TAB1: variants seen among roughly 807,000 people sequenced by gnomAD.
TAB1 encodes TGF-beta-activated kinase 1 and MAP3K7-binding protein 1.
Under a neutral mutation model 54.5 loss-of-function variants are expected in TAB1, and 30 were observed. That is an observed-to-expected ratio of 0.55 (90% CI 0.41 to 0.75). TAB1 has a LOEUF of 0.75. TAB1 is among the 30% of genes least tolerant of loss of function. The probability of loss-of-function intolerance (pLI) is 0.00; values close to 1 mark genes in which losing one functional copy is unlikely to be tolerated. For synonymous variants in TAB1, 289 were observed against 286.9 expected (o/e 1.01, Z -0.07); for missense variants, 609 against 683.2 (o/e 0.89, Z 1.21).
In TAB1 at chr22:39,399,810, C is replaced by G; in HGVS notation, c.8C>G (p.Ala3Gly). 6.3e-7 allele frequency: 1 copy of G among 1,596,508 alleles called. No homozygotes were observed. Among genetic ancestry groups the G allele is most frequent in the Non-Finnish European group, 8.5e-7 (1 of 1,172,074 alleles). Residue 3 changes from alanine (A) to glycine (G), a missense_variant, in exon 1 of 11, where the codon GCG (alanine) becomes GGG (glycine). By Grantham distance (60) the Ala-to-Gly change is moderately conservative. Transcript: ENST00000216160. MAAQRRSLLQSEQ... is the reference protein window; with the variant it reads MAGQRRSLLQSEQ... Reference sequence around the variant, plus strand: ...CGCAGGGGTTCCTCCAAGATGGCGGCGCAGAGGAGGAGCTTGCTGCAGAGT... The same window carrying G: ...CGCAGGGGTTCCTCCAAGATGGCGGGGCAGAGGAGGAGCTTGCTGCAGAGT...
At chr22:39,417,659 G>C in intron 4 of TAB1, 52 bp from the exon 5 acceptor site, 1 of 1,517,442 alleles carries the variant, frequency 6.6e-7, no homozygotes, top group Non-Finnish European at 8.8e-7. Flanking sequence ...GAGAGGGCTA[G>C]GAAGATGGTC....
rs766754203 is a variant in TAB1 at position 39,417,820 on chromosome 22, TCAA to T, written c.528_530del (p.Asn176del). 6.2e-7 allele frequency: 1 copy of T among 1,612,268 alleles called. No individual in the cohort carries two copies. The highest frequency in any genetic ancestry group is 1.1e-5 in the South Asian group (1 of 90,692). On this transcript the variant is annotated inframe_deletion, in exon 5 of 11. Coordinates refer to ENST00000216160, the MANE Select transcript of TAB1 (RefSeq NM_006116.3). ...GCCATGGCCGTTGTGGCGGTCCTTC[TCAA>T]CAACAAGCTCTACGTCGCCAATGTC...
intron 7 of TAB1, among the ~76,000 whole-genome samples, chr22:39,420,190 C>T (rs1159731714): frequency 4.6e-5 from 7 of 152,316 alleles, no homozygotes; most frequent in South Asian, 2.1e-4. Flanking sequence ...CGGCCAAGCC[C>T]GTGCAGAGCT....
intron 3 of TAB1, 151 bp from the exon 4 acceptor site, chr22:39,416,640 G>C (rs1423108719): frequency 1.4e-6 from 1 of 734,012 alleles, no homozygotes; most frequent in Non-Finnish European, 2.4e-6. Flanking sequence ...GCAGTGCTGG[G>C]CCAGAGGCAG....
At chr22:39,406,800 T>C (rs1926386103) in intron 1 of TAB1, among the ~76,000 whole-genome samples, 1 of 151,934 alleles carries the variant, frequency 6.6e-6, no homozygotes, top group Middle Eastern at 3.2e-3. Context: ...GCCCACCTAA[T>C]TTTTTTGTAT....
intron 10 of TAB1, 50 bp from the exon 11 acceptor site, chr22:39,429,965 C>A (rs1484305116): frequency 6.2e-7 from 1 of 1,605,986 alleles, no homozygotes; most frequent in African/African-American, 1.3e-5. Context: ...CTGCCCCAGG[C>A]CCCTTGACCC....
At chr22:39,416,688 C>A (rs1926846125) in intron 3 of TAB1, 103 bp from the exon 4 acceptor site, 1 of 1,069,460 alleles carries the variant, frequency 9.4e-7, no homozygotes, top group African/African-American at 1.6e-5. Flanking sequence ...CAAGAACCTG[C>A]AGTGAAGACA....
intron 1 of TAB1, among the ~76,000 whole-genome samples, chr22:39,411,760 A>G (rs1299950424): frequency 1.3e-5 from 2 of 152,268 alleles, no homozygotes; most frequent in Non-Finnish European, 2.9e-5. Flanking sequence ...TTACATTCAT[A>G]CAAAAACCTG....
rs747034309 is a variant in TAB1 at position 39,399,800 on chromosome 22, A to C, written c.-3A>C. 1 of 1,593,496 alleles carries C rather than the reference A, an allele frequency of 6.3e-7. No individual in the cohort carries two copies. Among genetic ancestry groups the C allele is most frequent in the Non-Finnish European group, 8.5e-7 (1 of 1,170,618 alleles). ...CGGGCGCTCCCGCAGGGGTTCCTCC[A>C]AGATGGCGGCGCAGAGGAGGAGCTT... On this transcript the variant is annotated 5_prime_UTR_variant, in exon 1 of 11. Transcript: ENST00000216160.
intron 8 of TAB1, among the ~76,000 whole-genome samples, chr22:39,424,073 A>G (rs986935450): frequency 6.6e-5 from 10 of 152,172 alleles, no homozygotes; most frequent in Admixed American, 1.3e-4. Flanking sequence ...CCCATCATTT[A>G]GCTCCCACTT....
At chr22:39,409,896 A>G (rs1569194667) in intron 1 of TAB1, among the ~76,000 whole-genome samples, 1 of 152,312 alleles carries the variant, frequency 6.6e-6, no homozygotes, top group East Asian at 1.9e-4. Context: ...CTGTGTCCGC[A>G]GTACCCAGAA....
intron 1 of TAB1, among the ~76,000 whole-genome samples, chr22:39,405,553 C>G (rs1049571622): frequency 6.6e-6 from 1 of 151,906 alleles, no homozygotes. Context: ...GCGCCGCTCA[C>G]GGCTGGTGCT....
At chr22:39,428,619 A>G (rs1222510700) in intron 10 of TAB1, among the ~76,000 whole-genome samples, 1 of 152,166 alleles carries the variant, frequency 6.6e-6, no homozygotes, top group Non-Finnish European at 1.5e-5. Flanking sequence ...TAGAGGCAAC[A>G]GCCTGAGGGG....
At chr22:39,403,567 T>C (rs1926235814) in intron 1 of TAB1, among the ~76,000 whole-genome samples, 1 of 151,850 alleles carries the variant, frequency 6.6e-6, no homozygotes, top group Admixed American at 6.6e-5. Flanking sequence ...CTTCATGTGA[T>C]GTGAAGCTTT....
In TAB1 at chr22:39,428,059, T is replaced by G. The variant is rs1451708787; in HGVS notation, c.1183T>G (p.Ser395Ala). 1.2e-6 allele frequency: 2 copies of G among 1,613,188 alleles called. No homozygotes were observed. Among genetic ancestry groups the G allele is most frequent in the Non-Finnish European group, 8.5e-7 (1 of 1,179,290 alleles). Residue 395 changes from serine (S) to alanine (A), a missense_variant, in exon 10 of 11, where the codon TCC (serine) becomes GCC (alanine). Ser to Ala is a moderately conservative substitution (Grantham distance 99). Transcript: ENST00000216160. ...AGTGTACCCTGTGTCTGTGCCATAC[T>G]CCAGCGCCCAGAGCACCAGCAAGAC... Reference protein sequence around the residue: ...GRVYPVSVPYSSAQSTSKTSV... With the variant: ...GRVYPVSVPYASAQSTSKTSV...
At chr22:39,417,155 A>ACC (rs1244038087) in intron 4 of TAB1, among the ~76,000 whole-genome samples, 1 of 152,136 alleles carries the variant, frequency 6.6e-6, no homozygotes, top group African/African-American at 2.4e-5. Context: ...CTTGTCAACC[A>ACC]CCTGCTCACA....
chr22:39,431,490 G>A lies in TAB1; in HGVS notation c.*1268G>A, dbSNP rs1050018753. The A allele has an allele frequency of 4.9e-5, 48 of 985,744 alleles. No homozygotes were observed. The African/African-American group carries it at 8.0e-4, about 16-fold the overall frequency. The allele number at this position is 985,744 out of a possible 1,614,324, so 61.1% of individuals were successfully genotyped here. A position where few individuals can be genotyped will look rare whatever the true frequency, so the allele number is the denominator to read the frequency against. ...CAGTCTCCCTGCCCCCCATGCCCCA[G>A]ACCGGCCCACCAGGGACTAGCCGCT... is the stretch of plus-strand genomic sequence containing the variant. On this transcript the variant is annotated 3_prime_UTR_variant, in exon 11 of 11. Coordinates refer to ENST00000216160, the MANE Select transcript of TAB1 (RefSeq NM_006116.3).
chr22:39,433,914 C>T, downstream of TAB1: 4 of 713,218 alleles, frequency 5.6e-6, no homozygotes, highest in Non-Finnish European at 6.9e-6. Context: ...CTGTTGTTTC[C>T]TCCATGGGTC....
chr22:39,429,870 G>T (rs2145684856), intron 10 of TAB1, 145 bp from the exon 11 acceptor site: 1 of 1,483,666 alleles, frequency 6.7e-7, no homozygotes, highest in Non-Finnish European at 8.9e-7. Flanking sequence ...AGATCATCTG[G>T]CTGGGCCAGC....
Sources: gnomAD v4.1 joint callset for allele counts (sites outside exome capture counted in the v4.1 genomes callset) on GRCh38, gnomAD v4.1.1 for gene constraint, MANE v1.5 for transcripts, NCBI Gene and HGNC (gene_info 2026-07-23, HGNC 2026-07-21) for gene names.